The following CACNA2D4 variants were observed in gnomAD, a reference collection of about 807,000 sequenced individuals.
CACNA2D4 encodes voltage-dependent calcium channel subunit alpha-2/delta-4.
A neutral mutation model predicts 163.8 loss-of-function variants in CACNA2D4; 157 were observed. That is an observed-to-expected ratio of 0.96 (90% CI 0.84 to 1.09). The LOEUF is 1.09. CACNA2D4 is among the 50% of genes least tolerant of loss of function. CACNA2D4 has a pLI of 0.00. For missense variants in CACNA2D4, 1,410 were observed against 1,479.9 expected, an observed-to-expected ratio of 0.95 and a Z score of 0.78; for synonymous variants, 598 against 586.9, an observed-to-expected ratio of 1.02 and a Z score of -0.27.
intron 18 of CACNA2D4, among the ~76,000 whole-genome samples, chr12:1,861,026 T>C (rs1288851200): frequency 6.6e-6 from 1 of 152,212 alleles, no homozygotes; most frequent in Non-Finnish European, 1.5e-5. Flanking sequence ...TTCGGGGTGC[T>C]GAGGTTCTGT....
At position 1,874,289 on chromosome 12, in the gene CACNA2D4, T is replaced by C. The variant is rs1348025111; in HGVS notation, c.1878+315A>G. On this transcript the variant is annotated intron_variant, in intron 18 of 37. Transcript: ENST00000382722. The surrounding 1 kb of genome is among the most constrained non-coding windows in gnomAD (Gnocchi z 4.4). ...CAGCTGTCACGTTTCCCCTTTTCATTATAAACAACAAAAGGGCCAGTAGCA... is the reference window on the plus strand; with the variant it reads ...CAGCTGTCACGTTTCCCCTTTTCATCATAAACAACAAAAGGGCCAGTAGCA... 2.0e-5 allele frequency among the ~76,000 whole-genome samples: 3 copies of C among 152,102 alleles called. No individual in the cohort carries two copies. The highest frequency in any genetic ancestry group is 4.4e-5 in the Non-Finnish European group (3 of 68,016).
rs1864076353 is a variant in CACNA2D4 at position 1,820,990 on chromosome 12, C to G, written c.2552-9267G>C. ...TGCTCGGGCTCAGGCACCTGAGCAT[C>G]CCAAAGGTGCACGACACTGGGAACT... On this transcript the variant is annotated intron_variant, in intron 26 of 37. Coordinates refer to ENST00000382722, the MANE Select transcript of CACNA2D4 (RefSeq NM_172364.5). This position sits in a 1 kb window ranked among gnomAD's most constrained non-coding sequence, Gnocchi z 6.0. Among the ~76,000 whole-genome samples, 1 of 152,200 alleles carries G rather than the reference C, an allele frequency of 6.6e-6. No homozygotes were observed. The highest frequency in any genetic ancestry group is 1.5e-5 in the Non-Finnish European group (1 of 68,040).
At position 1,883,393 on chromosome 12, in the gene CACNA2D4, C is replaced by T. The variant is rs1312357124; in HGVS notation, c.1352-393G>A. On this transcript the variant is annotated intron_variant, in intron 12 of 37. Transcript: ENST00000382722. This position sits in a 1 kb window ranked among gnomAD's most constrained non-coding sequence, Gnocchi z 4.5. The stretch of plus-strand genomic sequence containing the variant: ...GCCACTCTTAGGTCTCTTCAGGGAA[C>T]CCAATCAGAGGCAGAGATTTCTGCC... Among the ~76,000 whole-genome samples the T allele has an allele frequency of 6.6e-6, 1 of 152,192 alleles. No homozygotes were observed. Among genetic ancestry groups the T allele is most frequent in the Non-Finnish European group, 1.5e-5 (1 of 68,042 alleles).
At chr12:1,857,368 G>A (rs1865422385) in intron 20 of CACNA2D4, among the ~76,000 whole-genome samples, 1 of 152,196 alleles carries the variant, frequency 6.6e-6, no homozygotes, top group African/African-American at 2.4e-5. Context: ...GCCAGGAGGA[G>A]CAGGCCCATC....
intron 37 of CACNA2D4, among the ~76,000 whole-genome samples, chr12:1,794,421 G>A (rs1232586234): frequency 6.6e-6 from 1 of 152,200 alleles, no homozygotes; most frequent in Non-Finnish European, 1.5e-5. Flanking sequence ...CTCAATTCAA[G>A]TCTGACACTA....
chr12:1,907,826 C>T (rs1469596810), intron 5 of CACNA2D4, 49 bp downstream of exon 5: 1 of 1,600,028 alleles, frequency 6.2e-7, no homozygotes, highest in East Asian at 2.2e-5. Flanking sequence ...GGTGGGTGTG[C>T]TAGGTGGGCG....
At chr12:1,858,824 G>A (rs1456320924) in intron 19 of CACNA2D4, among the ~76,000 whole-genome samples, 180 bp from the exon 20 acceptor site, 1 of 152,190 alleles carries the variant, frequency 6.6e-6, no homozygotes, top group Non-Finnish European at 1.5e-5. Context: ...CCAGAACGGA[G>A]GCGGTGCTTC....
chr12:1,836,073 C>T (rs969571566), intron 26 of CACNA2D4: 2 of 152,252 alleles, frequency 1.3e-5, no homozygotes, highest in Non-Finnish European at 2.9e-5. Context: ...CAGAGGCTCC[C>T]AGGATGGGGC....
At chr12:1,815,997 A>G (rs1863859176) in intron 26 of CACNA2D4, among the ~76,000 whole-genome samples, 1 of 152,152 alleles carries the variant, frequency 6.6e-6, no homozygotes, top group Admixed American at 6.5e-5. Context: ...GCCGTGCCCA[A>G]CCGCTTGCAT....
At chr12:1,905,485 T>C (rs1046944486) in intron 6 of CACNA2D4, among the ~76,000 whole-genome samples, 1 of 152,164 alleles carries the variant, frequency 6.6e-6, no homozygotes, top group East Asian at 1.9e-4. Context: ...CTGTTAGTTC[T>C]AATAAATAAA....
intron 35 of CACNA2D4, chr12:1,796,017 G>T (rs1333691765): frequency 1.1e-5 from 6 of 562,636 alleles, no homozygotes; most frequent in Non-Finnish European, 1.9e-5. Flanking sequence ...GAGACAGTGA[G>T]GAAGTCCAAA....
intron 19 of CACNA2D4, among the ~76,000 whole-genome samples, 176 bp from the exon 20 acceptor site, chr12:1,858,820 C>T (rs113790501): frequency 1.1e-4 from 17 of 152,322 alleles, no homozygotes; most frequent in Admixed American, 7.2e-4. Flanking sequence ...CCCTCCAGAA[C>T]GGAGGCGGTG....
rs1234126298 is a variant in CACNA2D4 at position 1,828,514 on chromosome 12, A to G, written c.2551+12225T>C. 6.6e-6 allele frequency among the ~76,000 whole-genome samples: 1 copy of G among 152,156 alleles called. No individual in the cohort carries two copies. The highest frequency in any genetic ancestry group is 1.5e-5 in the Non-Finnish European group (1 of 68,032). ...TGAGCTTGCTGGGGTCCCCAACAGG[A>G]GAAGAGCTCTGCTGGAATGCAGGCC... On this transcript the variant is annotated intron_variant, in intron 26 of 37. Transcript: ENST00000382722. This position sits in a 1 kb window ranked among gnomAD's most constrained non-coding sequence, Gnocchi z 4.2.
intron 26 of CACNA2D4, among the ~76,000 whole-genome samples, chr12:1,812,568 C>G (rs188838230): frequency 2.0e-5 from 3 of 152,248 alleles, no homozygotes; most frequent in African/African-American, 7.2e-5. Context: ...CAAAACTGCG[C>G]TGGGCGCTTA....
chr12:1,811,309 A>T (rs1177707477), intron 27 of CACNA2D4, among the ~76,000 whole-genome samples: 2 of 152,210 alleles, frequency 1.3e-5, no homozygotes, highest in Non-Finnish European at 2.9e-5. Flanking sequence ...CTCAGCCAGA[A>T]GCCGCTGTCG....
chr12:1,893,831 A>G (rs540714576), intron 6 of CACNA2D4, among the ~76,000 whole-genome samples: 19 of 152,116 alleles, frequency 1.2e-4, no homozygotes, highest in Non-Finnish European at 2.2e-4. Context: ...ACAATCTAAT[A>G]ATACACCTCA....
intron 29 of CACNA2D4, among the ~76,000 whole-genome samples, chr12:1,808,247 C>T (rs1355311796): frequency 6.6e-6 from 1 of 152,172 alleles, no homozygotes; most frequent in African/African-American, 2.4e-5. Context: ...ACGGTTGTCC[C>T]GCTGCCTCTG....
At chr12:1,804,348 AG>A (rs1256351170) in intron 29 of CACNA2D4, among the ~76,000 whole-genome samples, 1 of 152,138 alleles carries the variant, frequency 6.6e-6, no homozygotes, top group Non-Finnish European at 1.5e-5. Flanking sequence ...GGTGCAGACA[AG>A]GCTTCTGACG....
At chr12:1,894,396 T>A (rs1866354545) in intron 6 of CACNA2D4, among the ~76,000 whole-genome samples, 1 of 152,134 alleles carries the variant, frequency 6.6e-6, no homozygotes, top group Admixed American at 6.5e-5. Flanking sequence ...GAGGCCAGCA[T>A]TACTCTAATA....
Sources: gnomAD v4.1 joint callset for allele counts (sites outside exome capture counted in the v4.1 genomes callset) on GRCh38, gnomAD v4.1.1 for gene constraint, Gnocchi (gnomAD v3.1) non-coding constraint, MANE v1.5 for transcripts, NCBI Gene and HGNC (gene_info 2026-07-23, HGNC 2026-07-21) for gene names.